Variants in CMIP observed in about 807,000 individuals in gnomAD.
The protein encoded by CMIP is C-Maf-inducing protein.
In CMIP, 13 loss-of-function variants were observed where a neutral mutation model predicts 97.3. The observed-to-expected ratio is 0.13, with a 90% CI of 0.09 to 0.21. The LOEUF (loss-of-function observed/expected upper bound fraction) is 0.21. Among genes scored for constraint, CMIP ranks in the 10% least tolerant of loss-of-function variants. CMIP has a pLI of 1.00. For missense variants in CMIP, 847 were observed against 1,024.9 expected (o/e 0.83, Z 2.37); for synonymous variants, 538 against 436.3 (o/e 1.23, Z -2.91).
Position 81,678,366 on chromosome 16 carries a change from C to A in CMIP, c.1126C>A (p.Pro376Thr). 6.2e-7 allele frequency: 1 copy of A among 1,613,082 alleles called. No homozygotes were observed. Among genetic ancestry groups the A allele is most frequent in the South Asian group, 1.1e-5 (1 of 90,886 alleles). ...CACTTTACCTCTGCGCCTTCTGCAC[C>A]CCAGCCCGGACCTGGTGTCTCAGGA... ...KPTLPLRLLH[P>T]SPDLVSQEAT... Residue 376 changes from proline (P) to threonine (T), a missense_variant, in exon 10 of 21, where the codon CCC becomes ACC. Physicochemically the swap from Pro to Thr is conservative, Grantham distance 38. This residue lies in a region of CMIP where 202 missense variants were observed against 168.7 expected (regional missense o/e 1.20). Transcript: ENST00000537098.
intron 5 of CMIP, among the ~76,000 whole-genome samples, chr16:81,658,466 A>G (rs1353995645): frequency 6.6e-6 from 1 of 152,230 alleles, no homozygotes; most frequent in African/African-American, 2.4e-5. Flanking sequence ...ATCACCGCAA[A>G]AAATAGAGAC....
Position 81,696,548 on chromosome 16 carries a change from C to T in CMIP, c.1531-12C>T, listed in dbSNP as rs755628103. The T allele has an allele frequency of 3.7e-6, 6 of 1,601,476 alleles. No homozygotes were observed. The highest frequency in any genetic ancestry group is 5.1e-6 in the Non-Finnish European group (6 of 1,179,016). ...CATGCAGCTCACACTTGTGTCTTCC[C>T]TTGTCTGGCAGGTCCACTCATGCCT... On this transcript the variant is annotated splice_polypyrimidine_tract_variant and intron_variant, in intron 13 of 20. Transcript: ENST00000537098.
At chr16:81,626,232 TAAGA>T (rs2092059851) in intron 3 of CMIP, among the ~76,000 whole-genome samples, 3 of 151,808 alleles carry the variant, frequency 2.0e-5, no homozygotes, top group African/African-American at 4.8e-5. Flanking sequence ...AGAATGTGTG[TAAGA>T]GTGAATGTGT....
chr16:81,684,953 G>A (rs68056614), intron 10 of CMIP, among the ~76,000 whole-genome samples: 39,565 of 152,186 alleles, frequency 0.26, 5,540 homozygotes, highest in Middle Eastern at 0.34. Flanking sequence ...TAACAGGCCC[G>A]CCCAGAGCCA....
intron 1 of CMIP, among the ~76,000 whole-genome samples, chr16:81,589,649 A>G (rs931601950): frequency 1.5e-4 from 23 of 152,224 alleles, no homozygotes; most frequent in Non-Finnish European, 1.5e-5. Context: ...AGCCCCTGCC[A>G]TGGTCTGTGT....
At chr16:81,478,250 G>A (rs1310445365) in intron 1 of CMIP, among the ~76,000 whole-genome samples, 2 of 152,190 alleles carry the variant, frequency 1.3e-5, no homozygotes, top group East Asian at 1.9e-4. Context: ...CCACTCACAT[G>A]TAGCACAGTG....
At chr16:81,686,428 G>C (rs1296471558) in intron 10 of CMIP, among the ~76,000 whole-genome samples, 1 of 152,194 alleles carries the variant, frequency 6.6e-6, no homozygotes. Context: ...GCAGTCCAGA[G>C]GACCTGCTGT....
chr16:81,651,435 CACTCT>C, intron 3 of CMIP: 2 of 965,076 alleles, frequency 2.1e-6, no homozygotes, highest in Non-Finnish European at 2.5e-6. Context: ...AAGGTGAGAG[CACTCT>C]TGTCTTCCTC....
intron 10 of CMIP, among the ~76,000 whole-genome samples, chr16:81,688,180 C>T (rs1174877155): frequency 1.3e-5 from 2 of 152,196 alleles, no homozygotes; most frequent in Non-Finnish European, 2.9e-5. Flanking sequence ...GTTCTGAGTC[C>T]AGCTTTACCC....
intron 1 of CMIP, among the ~76,000 whole-genome samples, chr16:81,569,586 G>T (rs185599377): frequency 7.2e-4 from 109 of 152,304 alleles, no homozygotes; most frequent in African/African-American, 2.6e-3. Flanking sequence ...AGAGAGAGGC[G>T]GCAGCAACTT....
chr16:81,527,940 A>G (rs751173540), intron 1 of CMIP, among the ~76,000 whole-genome samples: 1 of 152,206 alleles, frequency 6.6e-6, no homozygotes, highest in Non-Finnish European at 1.5e-5. Flanking sequence ...GTTGGCTTAT[A>G]GTTAGGCATG....
intron 1 of CMIP, among the ~76,000 whole-genome samples, chr16:81,604,346 A>C (rs1163165964): frequency 2.0e-5 from 3 of 148,150 alleles, no homozygotes; most frequent in Non-Finnish European, 3.0e-5. Flanking sequence ...CAGTGAGCTG[A>C]GAATGCACCA....
chr16:81,489,961 C>T (rs2089379777), intron 1 of CMIP, among the ~76,000 whole-genome samples: 1 of 152,178 alleles, frequency 6.6e-6, no homozygotes, highest in African/African-American at 2.4e-5. Context: ...TGTTTCCGGC[C>T]ACCGGGATTC....
At chr16:81,575,279 G>A (rs572106681) in intron 1 of CMIP, among the ~76,000 whole-genome samples, 29 of 152,202 alleles carry the variant, frequency 1.9e-4, no homozygotes, top group Non-Finnish European at 3.1e-4. Flanking sequence ...GGGATGCGTC[G>A]GGCCTCCTCT....
intron 1 of CMIP, among the ~76,000 whole-genome samples, chr16:81,582,979 C>A (rs2091321440): frequency 6.6e-6 from 1 of 152,156 alleles, no homozygotes; most frequent in Non-Finnish European, 1.5e-5. Context: ...CTCCAAGGGA[C>A]AATTGCATCA....
chr16:81,570,588 C>T (rs2091070341), intron 1 of CMIP, among the ~76,000 whole-genome samples: 1 of 152,162 alleles, frequency 6.6e-6, no homozygotes, highest in Admixed American at 6.5e-5. Context: ...TGAGAGTCTC[C>T]AGACTGATCC....
rs948890580 is a variant in CMIP at position 81,614,589 on chromosome 16, C to T, written c.427-6287C>T. 2.0e-5 allele frequency among the ~76,000 whole-genome samples: 3 copies of T among 152,066 alleles called. No homozygotes were observed. Among genetic ancestry groups the T allele is most frequent in the Admixed American group, 1.3e-4 (2 of 15,276 alleles). ...GGAAAGGTTGGGTTAGACCTGGGTC[C>T]TTAAGCCGTGGTCCATGGTAGATTC... On this transcript the variant is annotated intron_variant, in intron 2 of 20. Transcript: ENST00000537098. The surrounding 1 kb of genome is among the most constrained non-coding windows in gnomAD (Gnocchi z 5.3).
chr16:81,481,763 G>A (rs551232041), intron 1 of CMIP, among the ~76,000 whole-genome samples: 40 of 152,222 alleles, frequency 2.6e-4, no homozygotes, highest in Admixed American at 9.2e-4. Context: ...TAAGGGAAGG[G>A]TCTGTTGCCT....
chr16:81,664,254 C>G lies in CMIP; in HGVS notation c.745-15C>G, dbSNP rs1489363626. ...TTCTTAGGGCCGCAGTAACTGTACCCCACTCTGTCCCCAGCACTGCAGAGA... is the reference window on the plus strand; with the variant it reads ...TTCTTAGGGCCGCAGTAACTGTACCGCACTCTGTCCCCAGCACTGCAGAGA... On this transcript the variant is annotated splice_polypyrimidine_tract_variant and intron_variant, in intron 6 of 20. Coordinates refer to ENST00000537098, the MANE Select transcript of CMIP (RefSeq NM_198390.3). 2 of 1,587,790 alleles carry G rather than the reference C, an allele frequency of 1.3e-6. No individual in the cohort carries two copies. Among genetic ancestry groups the G allele is most frequent in the Admixed American group, 1.8e-5 (1 of 56,508 alleles).
Sources: gnomAD v4.1 joint callset for allele counts (sites outside exome capture counted in the v4.1 genomes callset) on GRCh38, gnomAD v4.1.1 for gene constraint, gnomAD v4.1.1 regional missense constraint, Gnocchi (gnomAD v3.1) non-coding constraint, MANE v1.5 for transcripts, NCBI Gene and HGNC (gene_info 2026-07-23, HGNC 2026-07-21) for gene names.